MEDAG: variants seen among roughly 807,000 people sequenced by gnomAD.
MEDAG encodes the protein mesenteric estrogen dependent adipogenesis, also known as mesenteric estrogen-dependent adipogenesis protein.
MEDAG carries 25 observed loss-of-function variants against 29.9 expected under a neutral mutation model. The observed-to-expected ratio is 0.84, with a 90% CI of 0.61 to 1.17. The LOEUF (loss-of-function observed/expected upper bound fraction) is 1.17, where lower values mean the gene tolerates loss of function less well. Among genes scored for constraint, MEDAG ranks in the 50% most tolerant of loss-of-function variants. The pLI is 0.00. For synonymous variants in MEDAG, 158 were observed against 148.2 expected, an observed-to-expected ratio of 1.07 and a Z score of -0.48; for missense variants, 398 against 372.9, an observed-to-expected ratio of 1.07 and a Z score of -0.56.
intron 4 of MEDAG, 121 bp from the exon 5 acceptor site, chr13:30,924,190 A>C: frequency 3.8e-6 from 4 of 1,041,048 alleles, no homozygotes; most frequent in Non-Finnish European, 5.4e-6. Flanking sequence ...AATTTTTCTG[A>C]GGAAGCCAGG....
chr13:30,924,340 C>A lies in MEDAG; in HGVS notation c.817C>A (p.Leu273Met). 6.2e-7 allele frequency: 1 copy of A among 1,613,906 alleles called. No individual in the cohort carries two copies. Among genetic ancestry groups the A allele is most frequent in the Non-Finnish European group, 8.5e-7 (1 of 1,179,912 alleles). ...GSIDDVFNCN[L>M]SPRSSLTEPL... ...AATAGATGATGTTTTTAACTGCAAT[C>A]TGTCACCCAGATCATCTCTGACAGA... The change falls in exon 5 of 5, where the codon CTG becomes ATG. Residue 273 changes from leucine (L) to methionine (M), a missense_variant. Physicochemically the swap from Leu to Met is conservative, Grantham distance 15 (BLOSUM62 2). Transcript: ENST00000380482.
intron 2 of MEDAG, among the ~76,000 whole-genome samples, chr13:30,920,462 G>A (rs927816936): frequency 3.3e-5 from 5 of 152,078 alleles, no homozygotes; most frequent in African/African-American, 9.7e-5. Flanking sequence ...GGTGGCGAAT[G>A]CCTGTGGTCC....
chr13:30,909,432 G>A (rs937911652), intron 1 of MEDAG, among the ~76,000 whole-genome samples: 7 of 151,952 alleles, frequency 4.6e-5, no homozygotes, highest in Non-Finnish European at 1.0e-4. Context: ...TCTTCTTTGC[G>A]GCCACCATAT....
At position 30,923,054 on chromosome 13, in the gene MEDAG, G is replaced by T. The variant is rs544846341; in HGVS notation, c.787+1208G>T. 8.5e-5 allele frequency among the ~76,000 whole-genome samples: 13 copies of T among 152,176 alleles called. 1 individual carries two copies. In the East Asian group the frequency reaches 2.1e-3, roughly 25 times the overall value. On this transcript the variant is annotated intron_variant, in intron 4 of 4. Transcript: ENST00000380482. Reference sequence around the variant, plus strand: ...TCGTGTCTCAGCCTCCCAAGTAGCTGGGACTACAGGTGTGTGCCACCATAC... The same window carrying T: ...TCGTGTCTCAGCCTCCCAAGTAGCTTGGACTACAGGTGTGTGCCACCATAC...
chr13:30,917,210 G>A (rs763426251), intron 1 of MEDAG, among the ~76,000 whole-genome samples, 193 bp from the exon 2 acceptor site: 3 of 152,154 alleles, frequency 2.0e-5, no homozygotes, highest in Admixed American at 1.3e-4. Context: ...GCTGCCTGTG[G>A]GCTGCACGCT....
rs760523541 is a variant in MEDAG at position 30,921,749 on chromosome 13, AAAG to A, written c.694_696del (p.Lys232del). The A allele has an allele frequency of 3.7e-6, 6 of 1,614,014 alleles. 1 individual carries two copies. Among genetic ancestry groups the A allele is most frequent in the South Asian group, 3.3e-5 (3 of 91,010 alleles). ...TGAATTTGTCAAGTACAAGTCCAGA[AAAG>A]AAGGAGACGATTAAGTTATTTCTGG... On this transcript the variant is annotated inframe_deletion, in exon 4 of 5. Coordinates refer to ENST00000380482, the MANE Select transcript of MEDAG (RefSeq NM_032849.4).
At position 30,906,707 on chromosome 13, in the gene MEDAG, G is replaced by A; in HGVS notation, c.192G>A (p.Ala64=). 1.3e-6 allele frequency: 2 copies of A among 1,517,154 alleles called. No homozygotes were observed. Among genetic ancestry groups the A allele is most frequent in the Non-Finnish European group, 1.8e-6 (2 of 1,141,576 alleles). 94.0% of individuals were successfully genotyped at this position (1,517,154 alleles called of 1,614,324 possible). A position where few individuals can be genotyped will look rare whatever the true frequency, so the allele number is the denominator to read the frequency against. Residue 64 remains alanine, a synonymous_variant, in exon 1 of 5, where the codon GCG becomes GCA. Coordinates refer to ENST00000380482, the MANE Select transcript of MEDAG (RefSeq NM_032849.4). ...TGGTGGCCAGGCCCGGGGAGCCGGC[G>A]GCGGCGCGGGGGGGCTTCAACGTCT... is the stretch of plus-strand genomic sequence containing the variant. ...QLVVARPGEP[A]AARGGFNVFG... is the part of the protein sequence containing the mutation.
chr13:30,921,597 C>T lies in MEDAG; in HGVS notation c.538C>T (p.Pro180Ser). The T allele has an allele frequency of 6.2e-7, 1 of 1,607,920 alleles. No homozygotes were observed. Among genetic ancestry groups the T allele is most frequent in the Non-Finnish European group, 8.5e-7 (1 of 1,178,478 alleles). The change falls in exon 4 of 5, where the codon CCA (proline) becomes TCA (serine). Residue 180 changes from proline to serine, a missense_variant. Transcript: ENST00000380482. ...AGAGGCAGTGAAGAATTTCTTCCCC[C>T]CAGGAAATGAAGTGGTTAATGGAGA... is the stretch of plus-strand genomic sequence containing the variant. The part of the protein sequence containing the change: ...FQEAVKNFFP[P>S]GNEVVNGENL...
chr13:30,907,224 G>A (rs1169147835), intron 1 of MEDAG, among the ~76,000 whole-genome samples: 1 of 152,158 alleles, frequency 6.6e-6, no homozygotes, highest in Admixed American at 6.5e-5. Context: ...GAGGAGCAGG[G>A]GGCATGCACC....
intron 1 of MEDAG, among the ~76,000 whole-genome samples, chr13:30,910,997 G>A (rs1952877073): frequency 6.6e-6 from 1 of 152,218 alleles, no homozygotes; most frequent in Non-Finnish European, 1.5e-5. Context: ...AGTGATGTTG[G>A]TGAAATAATA....
chr13:30,918,591 C>T (rs1001398831), intron 2 of MEDAG, among the ~76,000 whole-genome samples: 1 of 152,164 alleles, frequency 6.6e-6, no homozygotes, highest in Non-Finnish European at 1.5e-5. Context: ...TGCCTTCCTC[C>T]TCCTGCTCAG....
At chr13:30,920,956 A>T in intron 2 of MEDAG, 58 bp from the exon 3 acceptor site, 1 of 1,402,744 alleles carries the variant, frequency 7.1e-7, no homozygotes, top group Non-Finnish European at 1.0e-6. Context: ...AAATTATAAG[A>T]AGCATGCTTA....
intron 3 of MEDAG, 80 bp from the exon 4 acceptor site, chr13:30,921,481 A>G: frequency 7.7e-7 from 1 of 1,299,402 alleles, no homozygotes; most frequent in Non-Finnish European, 1.1e-6. Flanking sequence ...TGTTTTGGAT[A>G]TTTAGGCGGT....
At chr13:30,915,470 C>G (rs1222458758) in intron 1 of MEDAG, among the ~76,000 whole-genome samples, 1 of 152,118 alleles carries the variant, frequency 6.6e-6, no homozygotes, top group African/African-American at 2.4e-5. Context: ...TCACCTGGTG[C>G]CCGGCTCATC....
At chr13:30,923,559 T>C (rs1953010491) in intron 4 of MEDAG, among the ~76,000 whole-genome samples, 1 of 152,212 alleles carries the variant, frequency 6.6e-6, no homozygotes, top group Non-Finnish European at 1.5e-5. Flanking sequence ...GTGTTTGTGC[T>C]CTGCTCTGTT....
In MEDAG at chr13:30,908,624, C is replaced by G. The variant is rs1952851737; in HGVS notation, c.278+1831C>G. Among the ~76,000 whole-genome samples the G allele has an allele frequency of 3.3e-5, 5 of 152,220 alleles. 1 individual carries two copies. In the South Asian group the frequency reaches 1.0e-3, roughly 32 times the overall value. ...GAACTCAGATATCTAAAGCTTCGTT[C>G]CTCTGAGCTGCCAAATTTGCCAGTT... On this transcript the variant is annotated intron_variant, in intron 1 of 4. Transcript: ENST00000380482.
At chr13:30,912,644 G>T (rs1952892546) in intron 1 of MEDAG, among the ~76,000 whole-genome samples, 1 of 152,170 alleles carries the variant, frequency 6.6e-6, no homozygotes, top group Non-Finnish European at 1.5e-5. Flanking sequence ...TGTCTTAGAG[G>T]TGGGCCATCT....
At chr13:30,920,432 T>C (rs1046504549) in intron 2 of MEDAG, among the ~76,000 whole-genome samples, 3 of 151,100 alleles carry the variant, frequency 2.0e-5, no homozygotes, top group Non-Finnish European at 4.4e-5. Flanking sequence ...CAAAAAAAAA[T>C]ACAAAAATTA....
In MEDAG at chr13:30,924,862, C is replaced by T. The variant is rs1184476828; in HGVS notation, c.*427C>T. 1 of 154,136 alleles carries T rather than the reference C, an allele frequency of 6.5e-6. No homozygotes were observed. Among genetic ancestry groups the T allele is most frequent in the East Asian group, 1.9e-4 (1 of 5,276 alleles). The allele number at this position is 154,136 out of a possible 1,614,324, so 9.5% of individuals were successfully genotyped here. ...TCATAAATCAGGGTTTGGCCCTCTG[C>T]TTGGAGCATCCAACCCCTTGAACTC... On this transcript the variant is annotated 3_prime_UTR_variant, in exon 5 of 5. Coordinates refer to ENST00000380482, the MANE Select transcript of MEDAG (RefSeq NM_032849.4).
Sources: gnomAD v4.1 joint callset for allele counts (sites outside exome capture counted in the v4.1 genomes callset) on GRCh38, gnomAD v4.1.1 for gene constraint, MANE v1.5 for transcripts, NCBI Gene and HGNC (gene_info 2026-07-23, HGNC 2026-07-21) for gene names.